Variants in KCNH7 observed in about 807,000 individuals in gnomAD.
The protein encoded by KCNH7 is potassium voltage-gated channel subfamily H member 7, also known as voltage-gated inwardly rectifying potassium channel KCNH7.
KCNH7 carries 49 observed loss-of-function variants against 120.8 expected under a neutral mutation model. The ratio of observed to expected loss-of-function variants is 0.41; its 90% confidence interval spans 0.32 to 0.51. The LOEUF (loss-of-function observed/expected upper bound fraction) is 0.51, where lower values mean the gene tolerates loss of function less well. Ranked by LOEUF, KCNH7 falls within the 20% of genes least tolerant of loss-of-function variation. The pLI, the probability that KCNH7 is intolerant of heterozygous loss-of-function variation, is 0.38. For synonymous variants in KCNH7, 547 were observed against 516.1 expected, an observed-to-expected ratio of 1.06 and a Z score of -0.81; for missense variants, 1,097 against 1,446.6, an observed-to-expected ratio of 0.76 and a Z score of 3.92.
chr2:162,710,107 T>G (rs977177360), intron 2 of KCNH7, among the ~76,000 whole-genome samples: 1 of 152,144 alleles, frequency 6.6e-6, no homozygotes, highest in East Asian at 1.9e-4. Flanking sequence ...TGAGCAGAGA[T>G]GGTCAGATGT....
intron 4 of KCNH7, among the ~76,000 whole-genome samples, chr2:162,513,727 T>G (rs946273487): frequency 1.3e-5 from 2 of 151,694 alleles, no homozygotes; most frequent in African/African-American, 4.8e-5. Context: ...CAATATATAT[T>G]TTAAAAATAG....
chr2:162,514,071 G>A lies in KCNH7; in HGVS notation c.893-1397C>T, dbSNP rs571278679. On this transcript the variant is annotated intron_variant, in intron 4 of 15. Transcript: ENST00000332142. ...AATATATCCAAGATTTGAAAAATCT[G>A]TTCAGCATTTTGTTGATATCTATGC... 2.6e-5 allele frequency among the ~76,000 whole-genome samples: 4 copies of A among 151,850 alleles called. No individual in the cohort carries two copies. The East Asian group carries it at 7.8e-4, about 30-fold the overall frequency.
chr2:162,549,690 C>CTATCATG (rs1194320659), intron 2 of KCNH7, among the ~76,000 whole-genome samples: 1 of 152,060 alleles, frequency 6.6e-6, no homozygotes, highest in Admixed American at 6.6e-5. Flanking sequence ...CAAAGCTGAC[C>CTATCATG]TATCATGTAT....
At chr2:162,493,145 G>A (rs1273638977) in intron 6 of KCNH7, among the ~76,000 whole-genome samples, 1 of 151,990 alleles carries the variant, frequency 6.6e-6, no homozygotes, top group Admixed American at 6.6e-5. Context: ...TTTGGCCTGG[G>A]AAACTACATG....
intron 2 of KCNH7, among the ~76,000 whole-genome samples, chr2:162,645,235 C>T (rs111962419): frequency 0.028 from 4,217 of 152,102 alleles, 213 homozygotes; most frequent in African/African-American, 0.097. Flanking sequence ...GCAACCTCCG[C>T]CTCCCGGGTT....
chr2:162,534,225 G>A (rs1257307762), intron 3 of KCNH7, among the ~76,000 whole-genome samples: 4 of 151,120 alleles, frequency 2.6e-5, no homozygotes, highest in Non-Finnish European at 5.9e-5. Context: ...AAAATAAATC[G>A]ATGCAATGAA....
chr2:162,486,599 T>C (rs1690101384), intron 6 of KCNH7, among the ~76,000 whole-genome samples: 1 of 152,178 alleles, frequency 6.6e-6, no homozygotes, highest in African/African-American at 2.4e-5. Context: ...AATATTCCTA[T>C]TACGCACTTA....
chr2:162,709,886 T>C (rs1425384020), intron 2 of KCNH7, among the ~76,000 whole-genome samples: 1 of 152,180 alleles, frequency 6.6e-6, no homozygotes, highest in African/African-American at 2.4e-5. Context: ...GTATGTACCA[T>C]GTCCTTAAAA....
intron 2 of KCNH7, among the ~76,000 whole-genome samples, chr2:162,592,080 T>C (rs1187732681): frequency 2.0e-5 from 3 of 152,098 alleles, no homozygotes; most frequent in Non-Finnish European, 1.5e-5. Flanking sequence ...GGCAGTCTTA[T>C]CTTTTTCAAT....
At chr2:162,406,115 T>G (rs1179831169) in intron 9 of KCNH7, among the ~76,000 whole-genome samples, 2 of 152,014 alleles carry the variant, frequency 1.3e-5, no homozygotes, top group East Asian at 3.9e-4. Context: ...CAATATTTGC[T>G]GTTTCTAAGC....
intron 12 of KCNH7, among the ~76,000 whole-genome samples, chr2:162,385,265 A>C (rs1056160280): frequency 3.3e-5 from 5 of 151,928 alleles, no homozygotes; most frequent in African/African-American, 1.2e-4. Context: ...GGAAATGAAA[A>C]AGACAAGGGA....
At chr2:162,766,436 T>C (rs912672150) in intron 2 of KCNH7, among the ~76,000 whole-genome samples, 1 of 152,106 alleles carries the variant, frequency 6.6e-6, no homozygotes. Flanking sequence ...TTTGTTAACA[T>C]TTCAAGTCTG....
intron 6 of KCNH7, among the ~76,000 whole-genome samples, chr2:162,458,706 G>A (rs1171209272): frequency 1.3e-5 from 2 of 152,150 alleles, no homozygotes; most frequent in African/African-American, 2.4e-5. Context: ...GAGGAACCAC[G>A]TGAGAAATGG....
At chr2:162,513,898 C>A (rs1299146149) in intron 4 of KCNH7, among the ~76,000 whole-genome samples, 2 of 151,622 alleles carry the variant, frequency 1.3e-5, no homozygotes, top group African/African-American at 4.8e-5. Flanking sequence ...ATAAAATGGG[C>A]TCTTTTAAAA....
At chr2:162,586,167 C>T (rs1694013619) in intron 2 of KCNH7, among the ~76,000 whole-genome samples, 1 of 152,018 alleles carries the variant, frequency 6.6e-6, no homozygotes, top group Non-Finnish European at 1.5e-5. Flanking sequence ...GACATCACTG[C>T]TTTACCCTCA....
Position 162,834,017 on chromosome 2 carries a change from G to A in KCNH7, c.307+2520C>T, listed in dbSNP as rs1425153070. ...AAATCAAGAAACTCAAAAGTCAATG[G>A]CATCAATAATAACGAATTACGGAAA... is the stretch of plus-strand genomic sequence containing the variant. On this transcript the variant is annotated intron_variant, in intron 2 of 15. Coordinates refer to ENST00000332142, the MANE Select transcript of KCNH7 (RefSeq NM_033272.4). Among the ~76,000 whole-genome samples, 3 of 152,148 alleles carry A rather than the reference G, an allele frequency of 2.0e-5. No individual in the cohort carries two copies. The East Asian group carries it at 5.8e-4, about 29-fold the overall frequency.
At chr2:162,746,045 A>G (rs1050487793) in intron 2 of KCNH7, among the ~76,000 whole-genome samples, 2 of 152,090 alleles carry the variant, frequency 1.3e-5, no homozygotes, top group Non-Finnish European at 2.9e-5. Flanking sequence ...AACTTTATTT[A>G]TTATAAATCT....
In KCNH7 at chr2:162,439,758, T is replaced by C. The variant is rs1688362565; in HGVS notation, c.1555-4161A>G. Among the ~76,000 whole-genome samples the C allele has an allele frequency of 3.3e-5, 5 of 152,150 alleles. No homozygotes were observed. In the South Asian group the frequency reaches 1.0e-3, roughly 32 times the overall value. ...ATCCACTGTTTACTAAAGCCCTAGA[T>C]GCCTTCTTATATTGAGGTAGAAGTT... On this transcript the variant is annotated intron_variant, in intron 7 of 15. Transcript: ENST00000332142.
At chr2:162,674,053 A>G (rs1024475937) in intron 2 of KCNH7, among the ~76,000 whole-genome samples, 1 of 151,896 alleles carries the variant, frequency 6.6e-6, no homozygotes, top group Admixed American at 6.6e-5. Flanking sequence ...TCTAGCCTAC[A>G]CAGTAAGGTA....
Sources: gnomAD v4.1 joint callset for allele counts (sites outside exome capture counted in the v4.1 genomes callset) on GRCh38, gnomAD v4.1.1 for gene constraint, MANE v1.5 for transcripts, NCBI Gene and HGNC (gene_info 2026-07-23, HGNC 2026-07-21) for gene names.